The following HECTD3 variants were observed in gnomAD, a reference collection of about 807,000 sequenced individuals.
HECTD3 encodes E3 ubiquitin-protein ligase HECTD3.
Under a neutral mutation model 109.3 loss-of-function variants are expected in HECTD3, and 72 were observed. The observed-to-expected ratio is 0.66, with a 90% CI of 0.54 to 0.80. The LOEUF is 0.80. HECTD3 is among the 30% of genes least tolerant of loss of function. The pLI, the probability that HECTD3 is intolerant of heterozygous loss-of-function variation, is 0.00. For missense variants in HECTD3, 1,041 were observed against 1,165.2 expected, an observed-to-expected ratio of 0.89 and a Z score of 1.55; for synonymous variants, 481 against 471.8, an observed-to-expected ratio of 1.02 and a Z score of -0.25.
rs182666370 is a variant in HECTD3, at chr1:45,010,234, G to A, written c.590C>T (p.Ala197Val). The change falls in exon 3 of 21, where the codon GCA becomes GTA. Residue 197 changes from alanine (A) to valine (V), a missense_variant. Ala to Val is a moderately conservative substitution (Grantham distance 64). This residue lies in a region of HECTD3 where 472 missense variants were observed against 449.9 expected (regional missense o/e 1.05). Transcript: ENST00000372172. ...TTGTACAGCTTCTGCGTATGCCTCT[G>A]CCGGCTGAGGTCTCGATCCCAGGCG... ...SHRLGSRPQP[A>V]EAYAEAVQRL... The A allele has an allele frequency of 1.2e-3, 1,872 of 1,613,980 alleles. 3 individuals are homozygous for A. The highest frequency in any genetic ancestry group is 1.5e-3 in the Non-Finnish European group (1,730 of 1,179,988).
At position 45,011,179 on chromosome 1, in the gene HECTD3, C is replaced by T. The variant is rs1330203696; in HGVS notation, c.79G>A (p.Ala27Thr). 1 of 1,486,700 alleles carries T rather than the reference C, an allele frequency of 6.7e-7. No homozygotes were observed. Among genetic ancestry groups the T allele is most frequent in the South Asian group, 1.3e-5 (1 of 78,594 alleles). The allele number at this position is 1,486,700 out of a possible 1,614,324, so 92.1% of individuals were successfully genotyped here. A position where few individuals can be genotyped will look rare whatever the true frequency, so the allele number is the denominator to read the frequency against. The change falls in exon 1 of 21, where the codon GCG (alanine) becomes ACG (threonine). Residue 27 changes from alanine (A) to threonine (T), a missense_variant. Physicochemically the swap from Ala to Thr is moderately conservative, Grantham distance 58 (BLOSUM62 0). Around this residue, in one of 2 missense-constraint regions of HECTD3, gnomAD observed 472 missense variants for 449.9 expected, o/e 1.05. Coordinates refer to ENST00000372172, the MANE Select transcript of HECTD3 (RefSeq NM_024602.6). ...LGRVRFLAEA[A>T]RSLRAGRPLP... ...GGCCGCCCGGCGCGGAGGCTCCGCG[C>T]TGCCTCTGCCAAGAAGCGCACGCGG...
intron 14 of HECTD3, 39 bp downstream of exon 14, chr1:45,005,958 C>G: frequency 6.2e-7 from 1 of 1,610,860 alleles, no homozygotes; most frequent in Non-Finnish European, 8.5e-7. Flanking sequence ...TTCCAAGGGC[C>G]AGGGCTGATC....
Position 45,004,255 on chromosome 1 carries a change from G to C in HECTD3, c.2265C>G (p.Arg755=). The part of the protein sequence containing the change: ...GDPEVTVDAL[R]KLTRFEDFEP... ...CTGCCTTGGGGAACTCACTGAGCTT[G>C]CGCAGAGCATCCACAGTGACCTCTG... The change falls in exon 17 of 21, where the codon CGC becomes CGG. Residue 755 remains arginine (R), a synonymous_variant. Transcript: ENST00000372172. 1 of 1,614,030 alleles carries C rather than the reference G, an allele frequency of 6.2e-7. No individual in the cohort carries two copies. The highest frequency in any genetic ancestry group is 8.5e-7 in the Non-Finnish European group (1 of 1,179,896).
At position 45,010,691 on chromosome 1, in the gene HECTD3, G is replaced by A; in HGVS notation, c.385C>T (p.His129Tyr). 1 of 1,557,168 alleles carries A rather than the reference G, an allele frequency of 6.4e-7. No individual in the cohort carries two copies. Among genetic ancestry groups the A allele is most frequent in the East Asian group, 2.4e-5 (1 of 42,534 alleles). ...VKLTKEQLAEHLGDCGLQEGW... is the reference protein window; with the variant it reads ...VKLTKEQLAEYLGDCGLQEGW... ...TCCTGCAGCCCGCAGTCGCCCAGGT[G>A]CTCTGCCAGCTGCTCCTGCCGGGAC... Residue 129 changes from histidine (H) to tyrosine (Y), a missense_variant, in exon 2 of 21, where the codon CAC becomes TAC. By Grantham distance (83) the His-to-Tyr change is moderately conservative. This residue lies in a region of HECTD3 where 472 missense variants were observed against 449.9 expected (regional missense o/e 1.05). Transcript: ENST00000372172.
rs1198515892 is a variant in HECTD3 at position 45,010,630 on chromosome 1, C to G, written c.446G>C (p.Gly149Ala). The G allele has an allele frequency of 1.9e-5, 31 of 1,608,454 alleles. No individual in the cohort carries two copies. Among genetic ancestry groups the G allele is most frequent in the Non-Finnish European group, 2.6e-5 (31 of 1,178,860 alleles). ...AGTGTCGATGGGTACCAGGCGGGCT[C>G]CGCCCTCCGCCGGGCGGCACACCAG... is the stretch of plus-strand genomic sequence containing the variant. The part of the protein sequence containing the change: ...WLLVCRPAEG[G>A]ARLVPIDTPN... Residue 149 changes from glycine to alanine, a missense_variant, in exon 2 of 21, where the codon GGA (glycine) becomes GCA (alanine). Around this residue, in one of 2 missense-constraint regions of HECTD3, gnomAD observed 472 missense variants for 449.9 expected, o/e 1.05. Transcript: ENST00000372172.
Position 45,010,306 on chromosome 1 carries a change from A to G in HECTD3, c.531-13T>C, listed in dbSNP as rs781329350. The G allele has an allele frequency of 5.6e-6, 9 of 1,611,196 alleles. No homozygotes were observed. Among genetic ancestry groups the G allele is most frequent in the Non-Finnish European group, 6.8e-6 (8 of 1,177,618 alleles). On this transcript the variant is annotated splice_polypyrimidine_tract_variant and intron_variant, in intron 2 of 20. Transcript: ENST00000372172. ...CACCTGTTCCCACCTGTGGGCACAG[A>G]GTAGGGAGTGGGATGGGGAGACATC...
chr1:45,003,625 A>C lies in HECTD3; in HGVS notation c.2501+44T>G, dbSNP rs754532283. 6.2e-7 allele frequency: 1 copy of C among 1,610,708 alleles called. No homozygotes were observed. Among genetic ancestry groups the C allele is most frequent in the South Asian group, 1.1e-5 (1 of 91,024 alleles). The stretch of plus-strand genomic sequence containing the variant: ...GGTCCCTACATCGCTACCAGGGGTG[A>C]TGGGGTCCCCTGGGCCCCAAATCGA... On this transcript the variant is annotated intron_variant, in intron 20 of 20. Transcript: ENST00000372172. This position sits in a 1 kb window ranked among gnomAD's most constrained non-coding sequence, Gnocchi z 4.7.
In HECTD3 at chr1:45,009,181, G is replaced by A. The variant is rs748915877; in HGVS notation, c.1035C>T (p.His345=). 2.6e-5 allele frequency: 42 copies of A among 1,613,964 alleles called. No individual in the cohort carries two copies. Among genetic ancestry groups the A allele is most frequent in the Non-Finnish European group, 3.4e-5 (40 of 1,179,984 alleles). Residue 345 remains histidine (H), a synonymous_variant, in exon 7 of 21, where the codon CAC becomes CAT. Transcript: ENST00000372172. Reference sequence around the variant, plus strand: ...CGATGCGGATCTCGATGATCGGGAGGTGGACGGTCATGTCCTCCAGGACAC... The same window carrying A: ...CGATGCGGATCTCGATGATCGGGAGATGGACGGTCATGTCCTCCAGGACAC... ...DVCVLEDMTV[H]LPIIEIRIVE... is the part of the protein sequence containing the mutation.
Position 45,004,133 on chromosome 1 carries a change from G to C in HECTD3, c.2274C>G (p.Thr758=). 6.2e-7 allele frequency: 1 copy of C among 1,614,112 alleles called. No individual in the cohort carries two copies. Among genetic ancestry groups the C allele is most frequent in the Non-Finnish European group, 8.5e-7 (1 of 1,180,040 alleles). ...EVTVDALRKL[T]RFEDFEPSDS... is the part of the protein sequence containing the mutation. ...CAGATGGCTCGAAGTCCTCAAACCG[G>C]GCTGGTGGAGACAAGGCCAGCATTC... The change falls in exon 18 of 21, where the codon ACC becomes ACG. Residue 758 remains threonine (T), a splice_region_variant and synonymous_variant. Transcript: ENST00000372172.
In HECTD3 at chr1:45,006,652, T is replaced by C. The variant is rs759981408; in HGVS notation, c.1725+40A>G. ...CCTCTGCCCCCTTTCTAGCTCAATCTGGCACCTGGGAGGTTTGCAGAGATG... is the reference window on the plus strand; with the variant it reads ...CCTCTGCCCCCTTTCTAGCTCAATCCGGCACCTGGGAGGTTTGCAGAGATG... On this transcript the variant is annotated intron_variant, in intron 13 of 20. Coordinates refer to ENST00000372172, the MANE Select transcript of HECTD3 (RefSeq NM_024602.6). This position sits in a 1 kb window ranked among gnomAD's most constrained non-coding sequence, Gnocchi z 4.7. The C allele has an allele frequency of 5.2e-6, 8 of 1,547,220 alleles. No individual in the cohort carries two copies. In the African/African-American group the frequency reaches 8.2e-5, roughly 16 times the overall value.
In HECTD3 at chr1:45,010,119, T is replaced by C. The variant is rs760916524; in HGVS notation, c.626A>G (p.Tyr209Cys). ...CTCGTAGGTCCATGTCGGGGGTACA[T>C]AGCTAAGCAACCCCAAGCCCCTAAT... The part of the protein sequence containing the change: ...AYAEAVQRLL[Y>C]VPPTWTYECD... Residue 209 changes from tyrosine to cysteine, a missense_variant and splice_region_variant, in exon 4 of 21, where the codon TAT becomes TGT. Tyr to Cys is a radical substitution (Grantham distance 194, BLOSUM62 -2). Transcript: ENST00000372172. The C allele has an allele frequency of 5.6e-6, 9 of 1,611,328 alleles. No individual in the cohort carries two copies. The highest frequency in any genetic ancestry group is 4.0e-5 in the African/African-American group (3 of 74,830).
Position 45,003,934 on chromosome 1 carries a change from C to T in HECTD3, c.2350G>A (p.Asp784Asn). Reference protein sequence around the residue: ...WEALNNFTNEDRSRFLRFVTG... With the variant: ...WEALNNFTNENRSRFLRFVTG... Reference sequence around the variant, plus strand: ...ACAAAGCGCAGGAAGCGGCTCCGGTCCTCTGGAGGGAGAAGGAAATCAGTG... The same window carrying T: ...ACAAAGCGCAGGAAGCGGCTCCGGTTCTCTGGAGGGAGAAGGAAATCAGTG... Residue 784 changes from aspartate to asparagine, a missense_variant and splice_region_variant, in exon 19 of 21, where the codon GAC becomes AAC. Physicochemically the swap from Asp to Asn is conservative, Grantham distance 23 (BLOSUM62 1). Coordinates refer to ENST00000372172, the MANE Select transcript of HECTD3 (RefSeq NM_024602.6). This position sits in a 1 kb window ranked among gnomAD's most constrained non-coding sequence, Gnocchi z 4.7. The T allele has an allele frequency of 6.2e-7, 1 of 1,613,306 alleles. No homozygotes were observed. The highest frequency in any genetic ancestry group is 8.5e-7 in the Non-Finnish European group (1 of 1,179,578).
chr1:45,003,326 T>A lies in HECTD3; in HGVS notation c.*166A>T, dbSNP rs41269095. 1.3e-5 allele frequency: 8 copies of A among 634,318 alleles called. No individual in the cohort carries two copies. Among genetic ancestry groups the A allele is most frequent in the Non-Finnish European group, 2.3e-5 (8 of 354,264 alleles). 39.3% of individuals were successfully genotyped at this position (634,318 alleles called of 1,614,324 possible). The stretch of plus-strand genomic sequence containing the variant: ...GGTCTGCGGGGCTGGGCCACTAGTG[T>A]TACCTGACCATGCCAGCTGCCCCTA... On this transcript the variant is annotated 3_prime_UTR_variant, in exon 21 of 21. Transcript: ENST00000372172. The surrounding 1 kb of genome is among the most constrained non-coding windows in gnomAD (Gnocchi z 4.7).
In HECTD3 at chr1:45,004,212, G is replaced by T. The variant is rs758587928; in HGVS notation, c.2272+36C>A. ...TGAGCCCCAACCCCTGTGCTGTGCT[G>T]TGCTGCCCTGCCCTGCCCTGCCTTG... On this transcript the variant is annotated intron_variant, in intron 17 of 20. Coordinates refer to ENST00000372172, the MANE Select transcript of HECTD3 (RefSeq NM_024602.6). 1.5e-5 allele frequency: 24 copies of T among 1,613,988 alleles called. No individual in the cohort carries two copies. The South Asian group carries it at 2.6e-4, about 18-fold the overall frequency.
In HECTD3 at chr1:45,007,230, G is replaced by C. The variant is rs985343111; in HGVS notation, c.1545C>G (p.Pro515=). 8 of 1,613,280 alleles carry C rather than the reference G, an allele frequency of 5.0e-6. No individual in the cohort carries two copies. Among genetic ancestry groups the C allele is most frequent in the Non-Finnish European group, 5.1e-6 (6 of 1,179,608 alleles). Residue 515 remains proline (P), a synonymous_variant, in exon 11 of 21, where the codon CCC becomes CCG. Transcript: ENST00000372172. ...GLKPSDKYEK[P]LDYRWPMRYD... Reference sequence around the variant, plus strand: ...CTCTCATGCCATACCTGTAGTCCAGGGGCTTTTCATATTTGTCAGAGGGCT... The same window carrying C: ...CTCTCATGCCATACCTGTAGTCCAGCGGCTTTTCATATTTGTCAGAGGGCT...
Position 45,006,807 on chromosome 1 carries a change from G to A in HECTD3, c.1622-12C>T, listed in dbSNP as rs754169151. The A allele has an allele frequency of 2.5e-6, 4 of 1,610,490 alleles. No individual in the cohort carries two copies. Among genetic ancestry groups the A allele is most frequent in the Non-Finnish European group, 3.4e-6 (4 of 1,177,716 alleles). On this transcript the variant is annotated splice_polypyrimidine_tract_variant and intron_variant, in intron 12 of 20. Transcript: ENST00000372172. This position sits in a 1 kb window ranked among gnomAD's most constrained non-coding sequence, Gnocchi z 4.7. Reference sequence around the variant, plus strand: ...CCGGAAACCACCCCCTGAAATGACAGATGCCCTCAGCTGGGCACTCAAGAG... The same window carrying A: ...CCGGAAACCACCCCCTGAAATGACAAATGCCCTCAGCTGGGCACTCAAGAG...
In HECTD3 at chr1:45,010,704, C is replaced by A; in HGVS notation, c.372G>T (p.Glu124Asp). The change falls in exon 2 of 21, where the codon GAG becomes GAT. Residue 124 changes from glutamate to aspartate, a missense_variant and splice_region_variant. This residue lies in a region of HECTD3 where 472 missense variants were observed against 449.9 expected (regional missense o/e 1.05). Transcript: ENST00000372172. The part of the protein sequence containing the change: ...GHGLWVKLTK[E>D]QLAEHLGDCG... ...AGTCGCCCAGGTGCTCTGCCAGCTGCTCCTGCCGGGACGCGTAGGATGGGG... is the reference window on the plus strand; with the variant it reads ...AGTCGCCCAGGTGCTCTGCCAGCTGATCCTGCCGGGACGCGTAGGATGGGG... 1 of 1,547,666 alleles carries A rather than the reference C, an allele frequency of 6.5e-7. No individual in the cohort carries two copies. Among genetic ancestry groups the A allele is most frequent in the Non-Finnish European group, 8.7e-7 (1 of 1,152,054 alleles).
In HECTD3 at chr1:45,010,139, C is replaced by T. The variant is rs1644771597; in HGVS notation, c.624-18G>A. The stretch of plus-strand genomic sequence containing the variant: ...GTACATAGCTAAGCAACCCCAAGCC[C>T]CTAATTAGACTGGGCCCAGACGCAG... On this transcript the variant is annotated intron_variant, in intron 3 of 20. Coordinates refer to ENST00000372172, the MANE Select transcript of HECTD3 (RefSeq NM_024602.6). The T allele has an allele frequency of 1.9e-6, 3 of 1,613,648 alleles. No individual in the cohort carries two copies. Among genetic ancestry groups the T allele is most frequent in the Non-Finnish European group, 2.5e-6 (3 of 1,179,692 alleles).
At chr1:45,004,984 C>T in intron 15 of HECTD3, 178 bp from the exon 16 acceptor site, 1 of 634,850 alleles carries the variant, frequency 1.6e-6, no homozygotes, top group South Asian at 1.9e-5. Flanking sequence ...ACCTAACCAG[C>T]CTTGGAGGCC....
Sources: allele counts gnomAD v4.1 joint callset, GRCh38; gene constraint gnomAD v4.1.1; regional missense constraint gnomAD v4.1.1; non-coding constraint Gnocchi (gnomAD v3.1); transcripts MANE v1.5; gene names NCBI Gene and HGNC (gene_info 2026-07-23, HGNC 2026-07-21).